Variants in HEMK2 observed in about 807,000 individuals in gnomAD.
HEMK2 encodes methyltransferase HEMK2.
the HEMK2 span, among the ~76,000 whole-genome samples, chr21:28,625,793 A>AG: frequency 6.6e-6 from 1 of 152,182 alleles, no homozygotes; most frequent in African/African-American, 2.4e-5. Flanking sequence ...AGGTAGATTA[A>AG]GGTAGATAGG....
chr21:28,776,135 T>TA, the HEMK2 span, among the ~76,000 whole-genome samples: 1 of 152,182 alleles, frequency 6.6e-6, no homozygotes, highest in South Asian at 2.1e-4. Flanking sequence ...ACAGGCAGCG[T>TA]CAAGAAGAAT....
At chr21:28,837,116 T>A in the HEMK2 span, among the ~76,000 whole-genome samples, 1 of 152,202 alleles carries the variant, frequency 6.6e-6, no homozygotes, top group African/African-American at 2.4e-5. Context: ...AGCATTCCAC[T>A]GACAGCACTA....
chr21:28,690,215 G>C, the HEMK2 span, among the ~76,000 whole-genome samples: 2 of 152,110 alleles, frequency 1.3e-5, no homozygotes, highest in Admixed American at 1.3e-4. Context: ...TGACACATGG[G>C]GATTATTACA....
At chr21:28,714,431 G>A in the HEMK2 span, among the ~76,000 whole-genome samples, 3 of 152,246 alleles carry the variant, frequency 2.0e-5, no homozygotes, top group Admixed American at 2.0e-4. Flanking sequence ...TGTGGAGAGT[G>A]TTCTGAAATA....
chr21:28,767,328 T>G, the HEMK2 span, among the ~76,000 whole-genome samples: 1 of 151,556 alleles, frequency 6.6e-6, no homozygotes, highest in African/African-American at 2.4e-5. Flanking sequence ...TAATACACCA[T>G]GTAACCAAAA....
the HEMK2 span, among the ~76,000 whole-genome samples, chr21:28,628,338 C>A: frequency 6.6e-6 from 1 of 152,052 alleles, no homozygotes; most frequent in Non-Finnish European, 1.5e-5. Flanking sequence ...TTTAATTGAT[C>A]TTTGCAACCA....
At chr21:28,831,468 AAAG>A in the HEMK2 span, among the ~76,000 whole-genome samples, 6 of 29,278 alleles carry the variant, frequency 2.0e-4, no homozygotes, top group African/African-American at 9.1e-4. Flanking sequence ...AGAACGAAAG[AAAG>A]AAAGAAAGAA....
the HEMK2 span, among the ~76,000 whole-genome samples, chr21:28,714,402 T>A: frequency 2.6e-5 from 4 of 152,214 alleles, no homozygotes; most frequent in South Asian, 6.2e-4. Context: ...AATATCACTA[T>A]CTTCCTATAT....
chr21:28,597,811 A>G, the HEMK2 span, among the ~76,000 whole-genome samples: 10 of 152,164 alleles, frequency 6.6e-5, no homozygotes, highest in African/African-American at 2.4e-4. Context: ...AGGTTTTTTT[A>G]AAGGTGAAAT....
chr21:28,616,729 C>T, the HEMK2 span, among the ~76,000 whole-genome samples: 1 of 152,156 alleles, frequency 6.6e-6, no homozygotes, highest in Non-Finnish European at 1.5e-5. Context: ...ATTGCCAGTT[C>T]CTACCCTACA....
the HEMK2 span, among the ~76,000 whole-genome samples, chr21:28,740,377 G>A: frequency 2.6e-5 from 4 of 152,188 alleles, no homozygotes; most frequent in Non-Finnish European, 5.9e-5. Context: ...TATTCCCTAT[G>A]AGAGCTGACA....
the HEMK2 span, among the ~76,000 whole-genome samples, chr21:28,844,724 T>C: frequency 6.6e-6 from 1 of 152,120 alleles, no homozygotes; most frequent in African/African-American, 2.4e-5. Context: ...GTATTTATTA[T>C]AACTCTTCAA....
the HEMK2 span, among the ~76,000 whole-genome samples, chr21:28,737,975 A>G: frequency 8.9e-3 from 1,360 of 152,314 alleles, 25 homozygotes; most frequent in African/African-American, 0.031. Flanking sequence ...TGAAAAGCCA[A>G]TTGCACTGTG....
the HEMK2 span, among the ~76,000 whole-genome samples, chr21:28,702,133 G>T: frequency 1.3e-5 from 2 of 152,150 alleles, no homozygotes; most frequent in Non-Finnish European, 2.9e-5. Context: ...GCCATATGCA[G>T]AAGATTGAAA....
chr21:28,724,574 A>G, the HEMK2 span, among the ~76,000 whole-genome samples: 2 of 152,156 alleles, frequency 1.3e-5, no homozygotes, highest in South Asian at 2.1e-4. Flanking sequence ...TTGTTTTTTA[A>G]CCAGACGCTA....
At chr21:28,711,259 A>C in the HEMK2 span, among the ~76,000 whole-genome samples, 1 of 152,320 alleles carries the variant, frequency 6.6e-6, no homozygotes, top group East Asian at 1.9e-4. Flanking sequence ...ATTGTATATG[A>C]GCAATAAATA....
the HEMK2 span, among the ~76,000 whole-genome samples, chr21:28,655,327 T>A: frequency 6.6e-6 from 1 of 152,072 alleles, no homozygotes; most frequent in African/African-American, 2.4e-5. Context: ...ACTATGTGGT[T>A]AGCTGCCTGA....
At chr21:28,838,984 T>G in the HEMK2 span, among the ~76,000 whole-genome samples, 1 of 61,544 alleles carries the variant, frequency 1.6e-5, no homozygotes, top group Admixed American at 1.7e-4. Flanking sequence ...TATATATATA[T>G]ATATATATAT....
At chr21:28,686,772 T>C in the HEMK2 span, among the ~76,000 whole-genome samples, 1 of 152,332 alleles carries the variant, frequency 6.6e-6, no homozygotes, top group Non-Finnish European at 1.5e-5. Flanking sequence ...TTCTCCTAAG[T>C]CAACATCTGG....
Sources: allele counts gnomAD v4.1 joint callset (sites outside exome capture counted in the v4.1 genomes callset), GRCh38; gene constraint gnomAD v4.1.1; transcripts MANE v1.5; gene names NCBI Gene and HGNC (gene_info 2026-07-23, HGNC 2026-07-21).